ESYT3: variants seen among roughly 807,000 people sequenced by gnomAD.
ESYT3 encodes extended synaptotagmin 3.
Under a neutral mutation model 111.5 loss-of-function variants are expected in ESYT3, and 101 were observed. The ratio of observed to expected loss-of-function variants is 0.91; its 90% CI spans 0.77 to 1.07. The LOEUF (loss-of-function observed/expected upper bound fraction) is 1.07, where lower values mean the gene tolerates loss of function less well. Ranked by LOEUF, ESYT3 falls within the 50% of genes least tolerant of loss-of-function variation. ESYT3 has a pLI of 0.00. For missense variants in ESYT3, 1,097 were observed against 1,109.4 expected (o/e 0.99, Z 0.16); for synonymous variants, 416 against 446.8 (o/e 0.93, Z 0.87).
At position 138,463,078 on chromosome 3, in the gene ESYT3, CT is replaced by C. The variant is rs1359987468; in HGVS notation, c.915+880del. On this transcript the variant is annotated intron_variant, in intron 8 of 22. Coordinates refer to ENST00000389567, the MANE Select transcript of ESYT3 (RefSeq NM_031913.5). ...GCATAGTAGAGTTTTCCCCAGCATG[CT>C]TTTTTTTGGGCGGTGGGTGTGAAGG... 2.6e-5 allele frequency among the ~76,000 whole-genome samples: 4 copies of C among 151,890 alleles called. No individual in the cohort carries two copies. In the East Asian group the frequency reaches 5.8e-4, roughly 22 times the overall value.
At chr3:138,480,397 G>T (rs990136328), downstream of ESYT3, 6 of 99,666 alleles carry the variant, frequency 6.0e-5, no homozygotes, top group African/African-American at 2.2e-4. Flanking sequence ...ACAATGTATT[G>T]CAGCCTGAGT....
intron 5 of ESYT3, 103 bp from the exon 6 acceptor site, chr3:138,459,842 C>A (rs1560229123): frequency 1.0e-6 from 1 of 962,792 alleles, no homozygotes; most frequent in Non-Finnish European, 1.6e-6. Context: ...ACATGTGGGG[C>A]AGCGTGGGCA....
intron 1 of ESYT3, among the ~76,000 whole-genome samples, chr3:138,450,973 G>T (rs2031885731): frequency 6.6e-6 from 1 of 150,736 alleles, no homozygotes; most frequent in African/African-American, 2.4e-5. Context: ...TGGTGGCTGT[G>T]GCTGCTGTTT....
Position 138,477,188 on chromosome 3 carries a change from A to G in ESYT3, c.*334A>G, listed in dbSNP as rs2033524678. ...ACTTTTTAGTAGGTAATTATATACCATCTGATTTAGGACTTACCTGAATGT... is the reference window on the plus strand; with the variant it reads ...ACTTTTTAGTAGGTAATTATATACCGTCTGATTTAGGACTTACCTGAATGT... On this transcript the variant is annotated 3_prime_UTR_variant, in exon 23 of 23. Transcript: ENST00000389567. The G allele has an allele frequency of 9.3e-6, 2 of 214,192 alleles. No homozygotes were observed. Among genetic ancestry groups the G allele is most frequent in the Non-Finnish European group, 1.9e-5 (2 of 107,234 alleles). 13.3% of individuals were successfully genotyped at this position (214,192 alleles called of 1,614,324 possible). A position where few individuals can be genotyped will look rare whatever the true frequency, so the allele number is the denominator to read the frequency against.
rs2032807094 is a variant in ESYT3 at position 138,464,290 on chromosome 3, A to G, written c.916-55A>G. ...CTGATGGTTTTAGCTCTGATACTCC[A>G]GGACTTGGAGGCCCCAGGAAGCAGC... On this transcript the variant is annotated intron_variant, in intron 8 of 22. Transcript: ENST00000389567. 3.8e-6 allele frequency: 6 copies of G among 1,593,344 alleles called. No individual in the cohort carries two copies. In the South Asian group the frequency reaches 6.7e-5, roughly 18 times the overall value.
intron 1 of ESYT3, among the ~76,000 whole-genome samples, chr3:138,441,741 C>T (rs1249344804): frequency 2.0e-5 from 3 of 151,768 alleles, no homozygotes; most frequent in Non-Finnish European, 2.9e-5. Context: ...TTTCCTTTTC[C>T]TCCTCTTCTT....
In ESYT3 at chr3:138,434,634, C is replaced by T. The variant is rs1415964365; in HGVS notation, c.-165C>T. 3.2e-6 allele frequency: 2 copies of T among 629,422 alleles called. No homozygotes were observed. The highest frequency in any genetic ancestry group is 3.1e-5 in the East Asian group (1 of 32,220). The allele number at this position is 629,422 out of a possible 1,614,324, so 39.0% of individuals were successfully genotyped here. Reference sequence around the variant, plus strand: ...GCGCGGTGCATTTCCAGGCGCTGCTCTCCGTCGCAGAGAACCCTGAGCTCG... The same window carrying T: ...GCGCGGTGCATTTCCAGGCGCTGCTTTCCGTCGCAGAGAACCCTGAGCTCG... On this transcript the variant is annotated 5_prime_UTR_variant, in exon 1 of 23. Coordinates refer to ENST00000389567, the MANE Select transcript of ESYT3 (RefSeq NM_031913.5).
chr3:138,470,412 C>CA, intron 16 of ESYT3: 1 of 1,164,218 alleles, frequency 8.6e-7, no homozygotes, highest in South Asian at 2.8e-5. Flanking sequence ...TACACAGTAC[C>CA]CAGAGCAGCC....
rs927574255 is a variant in ESYT3, at chr3:138,479,604, A to G, written c.*2750A>G. ...CTGATGTTTTCCATGGCTGCTAGCT[A>G]ATTGGCATACAGAGCTGTTCTCAAT... On this transcript the variant is annotated 3_prime_UTR_variant, in exon 23 of 23. Coordinates refer to ENST00000389567, the MANE Select transcript of ESYT3 (RefSeq NM_031913.5). 7.2e-6 allele frequency: 1 copy of G among 138,044 alleles called. No homozygotes were observed. The highest frequency in any genetic ancestry group is 1.5e-5 in the Non-Finnish European group (1 of 64,586). The allele number at this position is 138,044 out of a possible 1,614,324, so 8.6% of individuals were successfully genotyped here.
intron 7 of ESYT3, among the ~76,000 whole-genome samples, chr3:138,460,988 C>A (rs550615409): frequency 1.3e-5 from 2 of 152,114 alleles, no homozygotes; most frequent in Non-Finnish European, 2.9e-5. Context: ...GCTCTGTCTG[C>A]TGAGATGTGG....
At chr3:138,470,376 C>G in intron 16 of ESYT3, 1 of 1,240,564 alleles carries the variant, frequency 8.1e-7, no homozygotes, top group Non-Finnish European at 1.0e-6. Context: ...CCTTGACTTT[C>G]CCTGCAAAAG....
chr3:138,468,500 C>T (rs1047289226), intron 12 of ESYT3, among the ~76,000 whole-genome samples, 155 bp from the exon 13 acceptor site: 33 of 152,176 alleles, frequency 2.2e-4, no homozygotes, highest in African/African-American at 8.0e-4. Flanking sequence ...ATAGTCTTAA[C>T]CTCAACAAAA....
At chr3:138,465,092 AT>A (rs772069520) in intron 9 of ESYT3, among the ~76,000 whole-genome samples, 1 of 152,212 alleles carries the variant, frequency 6.6e-6, no homozygotes, top group South Asian at 2.1e-4. Context: ...AGGACACCGC[AT>A]GGCCCATGCA....
Position 138,467,312 on chromosome 3 carries a change from G to A in ESYT3, c.1170-249G>A, listed in dbSNP as rs545738802. On this transcript the variant is annotated intron_variant, in intron 10 of 22. Coordinates refer to ENST00000389567, the MANE Select transcript of ESYT3 (RefSeq NM_031913.5). ...AGAGGTGATGTGTCCAGCAGCCTCT[G>A]CTTGTCCCCTGTGGGGATGGGAGCC... Among the ~76,000 whole-genome samples, 3 of 152,270 alleles carry A rather than the reference G, an allele frequency of 2.0e-5. No individual in the cohort carries two copies. The East Asian group carries it at 5.8e-4, about 29-fold the overall frequency.
intron 16 of ESYT3, 31 bp downstream of exon 16, chr3:138,470,177 G>A (rs1405130287): frequency 1.2e-6 from 2 of 1,605,682 alleles, no homozygotes; most frequent in Non-Finnish European, 1.7e-6. Flanking sequence ...TTGAAACAGA[G>A]TTAAGAGGTT....
intron 2 of ESYT3, among the ~76,000 whole-genome samples, chr3:138,452,413 T>G (rs2032003615): frequency 6.6e-6 from 1 of 152,220 alleles, no homozygotes; most frequent in Admixed American, 6.5e-5. Context: ...TTCTGGACAC[T>G]GCCTGGTTTC....
At chr3:138,447,030 G>C (rs542469492) in intron 1 of ESYT3, among the ~76,000 whole-genome samples, 1 of 152,208 alleles carries the variant, frequency 6.6e-6, no homozygotes, top group African/African-American at 2.4e-5. Flanking sequence ...GTGAGACCTT[G>C]TCTCAATAAT....
At chr3:138,450,360 A>AATGTTTGCTGAGC (rs2031841442) in intron 1 of ESYT3, among the ~76,000 whole-genome samples, 1 of 152,068 alleles carries the variant, frequency 6.6e-6, no homozygotes, top group Non-Finnish European at 1.5e-5. Context: ...AGCTGCAGAG[A>AATGTTTGCTGAGC]ATGTTTGCTG....
intron 4 of ESYT3, 72 bp downstream of exon 4, chr3:138,457,716 G>T (rs958026151): frequency 1.4e-5 from 19 of 1,401,558 alleles, no homozygotes; most frequent in Non-Finnish European, 1.9e-5. Flanking sequence ...TTTGAAGATG[G>T]AGTAGTATAT....
Sources: allele counts gnomAD v4.1 joint callset (sites outside exome capture counted in the v4.1 genomes callset), GRCh38; gene constraint gnomAD v4.1.1; transcripts MANE v1.5; gene names NCBI Gene and HGNC (gene_info 2026-07-23, HGNC 2026-07-21).